Variants in BMP2K observed in about 807,000 individuals in gnomAD.
The protein encoded by BMP2K is BMP-2-inducible protein kinase.
Under a neutral mutation model 116.0 loss-of-function variants are expected in BMP2K, and 74 were observed. That is an observed-to-expected ratio of 0.64 (90% CI 0.53 to 0.77). The LOEUF is 0.77. Among genes scored for constraint, BMP2K ranks in the 30% least tolerant of loss-of-function variants. BMP2K has a pLI of 0.00. For missense variants in BMP2K, 1,365 were observed against 1,403.6 expected (o/e 0.97, Z 0.44); for synonymous variants, 486 against 502.5 (o/e 0.97, Z 0.44).
intron 1 of BMP2K, among the ~76,000 whole-genome samples, chr4:78,816,414 A>C (rs774472022): frequency 1.3e-5 from 2 of 152,108 alleles, no homozygotes; most frequent in African/African-American, 4.8e-5. Context: ...ATCCTTGGTG[A>C]ATCAATTTTT....
chr4:78,837,345 C>A (rs1730537081), intron 3 of BMP2K, among the ~76,000 whole-genome samples: 1 of 151,268 alleles, frequency 6.6e-6, no homozygotes. Context: ...CAGGTGTGCA[C>A]CACCACATCT....
At chr4:78,810,590 G>A (rs1729042110) in intron 1 of BMP2K, among the ~76,000 whole-genome samples, 1 of 152,164 alleles carries the variant, frequency 6.6e-6, no homozygotes, top group African/African-American at 2.4e-5. Flanking sequence ...GCTTTTCCAG[G>A]TAGCTGACTG....
In BMP2K at chr4:78,844,932, A is replaced by G; in HGVS notation, c.551A>G (p.Glu184Gly). ...TATTGATTTTCTTTTCTTAAGGTAG[A>G]AAATATTTTGTTGAATGATGGTGGG... Reference protein sequence around the residue: ...TPIIHRDLKVENILLNDGGNY... With the variant: ...TPIIHRDLKVGNILLNDGGNY... The change falls in exon 5 of 16, where the codon GAA (glutamate) becomes GGA (glycine). Residue 184 changes from glutamate (E) to glycine (G), a missense_variant. Physicochemically the swap from Glu to Gly is moderately conservative, Grantham distance 98 (BLOSUM62 -2). Coordinates refer to ENST00000502613, the MANE Select transcript of BMP2K (RefSeq NM_198892.2). 1.3e-6 allele frequency: 2 copies of G among 1,595,382 alleles called. No individual in the cohort carries two copies. Among genetic ancestry groups the G allele is most frequent in the Non-Finnish European group, 1.7e-6 (2 of 1,165,930 alleles).
chr4:78,833,914 G>C (rs1182505841), intron 3 of BMP2K, among the ~76,000 whole-genome samples: 1 of 152,160 alleles, frequency 6.6e-6, no homozygotes, highest in Non-Finnish European at 1.5e-5. Context: ...AAGTGATATT[G>C]AGTTTAAAAT....
At chr4:78,794,398 G>T (rs1360522880) in intron 1 of BMP2K, among the ~76,000 whole-genome samples, 2 of 151,978 alleles carry the variant, frequency 1.3e-5, no homozygotes, top group Non-Finnish European at 2.9e-5. Flanking sequence ...TGTTTCTGTG[G>T]GAAAATATTC....
chr4:78,867,180 AAAAG>A (rs1732096443), intron 10 of BMP2K, among the ~76,000 whole-genome samples: 1 of 152,074 alleles, frequency 6.6e-6, no homozygotes, highest in South Asian at 2.1e-4. Flanking sequence ...TCAAAAAAAA[AAAAG>A]AAAAAAAGAA....
chr4:78,836,398 C>A (rs1730481176), intron 3 of BMP2K, among the ~76,000 whole-genome samples: 1 of 150,904 alleles, frequency 6.6e-6, no homozygotes, highest in Non-Finnish European at 1.5e-5. Flanking sequence ...GCCTGGGCAA[C>A]AGAGCGAGAC....
At chr4:78,895,401 T>C (rs1733649313) in intron 15 of BMP2K, among the ~76,000 whole-genome samples, 1 of 152,228 alleles carries the variant, frequency 6.6e-6, no homozygotes, top group South Asian at 2.1e-4. Context: ...TGCCACATAG[T>C]TTATAATTTT....
chr4:78,842,640 C>G (rs1027180722), intron 4 of BMP2K, 113 bp downstream of exon 4: 8 of 893,562 alleles, frequency 9.0e-6, no homozygotes, highest in Non-Finnish European at 1.1e-5. Flanking sequence ...TCTCTCTCTC[C>G]CCTTCTACAT....
At chr4:78,789,112 T>C (rs567951819) in intron 1 of BMP2K, among the ~76,000 whole-genome samples, 1 of 152,060 alleles carries the variant, frequency 6.6e-6, no homozygotes, top group Non-Finnish European at 1.5e-5. Context: ...TTAACTGTAA[T>C]TGGTATTGTT....
intron 15 of BMP2K, chr4:78,888,168 T>G (rs1724026464): frequency 6.6e-6 from 1 of 152,206 alleles, no homozygotes; most frequent in Non-Finnish European, 1.5e-5. Context: ...ACAGGATAGT[T>G]TTTTCATTGC....
At position 78,833,675 on chromosome 4, in the gene BMP2K, G is replaced by C. The variant is rs1002211420; in HGVS notation, c.391G>C (p.Glu131Gln). Residue 131 changes from glutamate to glutamine, a missense_variant, in exon 3 of 16, where the codon GAA (glutamate) becomes CAA (glutamine). Around this residue, in one of 3 missense-constraint regions of BMP2K, gnomAD observed 762 missense variants for 756.7 expected, o/e 1.01. Transcript: ENST00000502613. ...DNVWEVLILM[E>Q]YCRAGQVVNQ... ...TGTATGGGAAGTCCTTATCTTAATG[G>C]AATATTGTCGAGGTAAGTATTTTTT... is the stretch of plus-strand genomic sequence containing the variant. 1.2e-6 allele frequency: 2 copies of C among 1,600,122 alleles called. No homozygotes were observed. Among genetic ancestry groups the C allele is most frequent in the East Asian group, 2.3e-5 (1 of 44,134 alleles).
intron 15 of BMP2K, chr4:78,898,748 T>C (rs1733844852): frequency 6.6e-6 from 1 of 151,676 alleles, no homozygotes; most frequent in Non-Finnish European, 1.5e-5. Context: ...ACTTTATATG[T>C]ATTGAATCAC....
At chr4:78,840,678 G>T (rs2110019886) in intron 3 of BMP2K, among the ~76,000 whole-genome samples, 1 of 151,738 alleles carries the variant, frequency 6.6e-6, no homozygotes, top group East Asian at 1.9e-4. Context: ...TCTGAGTTTT[G>T]AGTAATGAAA....
At chr4:78,891,578 T>C (rs1733442527) in intron 15 of BMP2K, among the ~76,000 whole-genome samples, 1 of 152,250 alleles carries the variant, frequency 6.6e-6, no homozygotes, top group South Asian at 2.1e-4. Flanking sequence ...TCTTTGTCTT[T>C]TATATTTGCA....
intron 7 of BMP2K, 94 bp from the exon 8 acceptor site, chr4:78,859,490 C>A: frequency 1.3e-6 from 1 of 750,310 alleles, no homozygotes; most frequent in Non-Finnish European, 2.0e-6. Flanking sequence ...TAGAGTGGAA[C>A]AGAAAATACA....
intron 15 of BMP2K, among the ~76,000 whole-genome samples, chr4:78,898,027 A>G (rs997627625): frequency 6.6e-6 from 1 of 152,222 alleles, no homozygotes; most frequent in Non-Finnish European, 1.5e-5. Flanking sequence ...TTCATGAGAA[A>G]GATGTTACTT....
intron 3 of BMP2K, 102 bp from the exon 4 acceptor site, chr4:78,842,283 C>T: frequency 9.7e-7 from 1 of 1,026,538 alleles, no homozygotes; most frequent in Non-Finnish European, 1.4e-6. Flanking sequence ...TATGAAAAAG[C>T]CAATTTCCCA....
At chr4:78,805,690 G>T (rs1351554145) in intron 1 of BMP2K, among the ~76,000 whole-genome samples, 9 of 152,030 alleles carry the variant, frequency 5.9e-5, no homozygotes, top group Admixed American at 5.9e-4. Context: ...GTTCCTTTAG[G>T]CTGGGTGTGG....
Sources: allele counts gnomAD v4.1 joint callset (sites outside exome capture counted in the v4.1 genomes callset), GRCh38; gene constraint gnomAD v4.1.1; regional missense constraint gnomAD v4.1.1; transcripts MANE v1.5; gene names NCBI Gene and HGNC (gene_info 2026-07-23, HGNC 2026-07-21).